The following FHIP2B variants were observed in gnomAD, a reference collection of about 807,000 sequenced individuals.
FHIP2B encodes the protein FHF complex subunit HOOK-interacting protein 2B.
A neutral mutation model predicts 84.0 loss-of-function variants in FHIP2B; 72 were observed. That is an observed-to-expected ratio of 0.86 (90% CI 0.71 to 1.04). The LOEUF (loss-of-function observed/expected upper bound fraction) is 1.04. Among genes scored for constraint, FHIP2B ranks in the 50% least tolerant of loss-of-function variants. FHIP2B has a pLI of 0.00. For synonymous variants in FHIP2B, 497 were observed against 418.7 expected (o/e 1.19, Z -2.28); for missense variants, 972 against 968.9 (o/e 1.00, Z -0.04).
In FHIP2B at chr8:22,102,169, C is replaced by T. The variant is rs375047009; in HGVS notation, c.1852-6C>T. The T allele has an allele frequency of 2.5e-5, 40 of 1,613,324 alleles. No individual in the cohort carries two copies. The highest frequency in any genetic ancestry group is 3.2e-5 in the Non-Finnish European group (38 of 1,179,870). ...GCCCTCGGCTCTGTCCACCATGTTC[C>T]TACAGCCATACAGCCTGAACCTGCA... is the stretch of plus-strand genomic sequence containing the variant. On this transcript the variant is annotated splice_polypyrimidine_tract_variant and splice_region_variant and intron_variant, in intron 14 of 16. Coordinates refer to ENST00000289921, the MANE Select transcript of FHIP2B (RefSeq NM_022749.7).
rs1418297499 is a variant in FHIP2B, at chr8:22,103,996, G to C, written c.*1065G>C. On this transcript the variant is annotated 3_prime_UTR_variant, in exon 17 of 17. Coordinates refer to ENST00000289921, the MANE Select transcript of FHIP2B (RefSeq NM_022749.7). ...CTCACAGCGGGACTACACAGTTGCT[G>C]GCTTTGCTCCTGGGCAAGGAGGAGC... is the stretch of plus-strand genomic sequence containing the variant. 6.6e-6 allele frequency: 1 copy of C among 152,636 alleles called. No individual in the cohort carries two copies. The highest frequency in any genetic ancestry group is 1.5e-5 in the Non-Finnish European group (1 of 68,054). 9.5% of individuals were successfully genotyped at this position (152,636 alleles called of 1,614,324 possible). A position where few individuals can be genotyped will look rare whatever the true frequency, so the allele number is the denominator to read the frequency against.
At chr8:22,096,608 A>C in intron 3 of FHIP2B, 99 bp downstream of exon 3, 3 of 1,394,288 alleles carry the variant, frequency 2.2e-6, no homozygotes, top group Non-Finnish European at 2.8e-6. Context: ...GGCCAGGCCG[A>C]GGTGGGAGAC....
chr8:22,096,613 G>C, intron 3 of FHIP2B, 104 bp downstream of exon 3: 1 of 1,393,716 alleles, frequency 7.2e-7, no homozygotes, highest in Non-Finnish European at 9.3e-7. Context: ...GGCCGAGGTG[G>C]GAGACCCTCT....
chr8:22,101,560 TC>T (rs1436650784), intron 13 of FHIP2B, 30 bp downstream of exon 13: 2 of 1,598,902 alleles, frequency 1.3e-6, no homozygotes, highest in Admixed American at 1.7e-5. Flanking sequence ...AGCTCCCACT[TC>T]CTGTCCTTCA....
Position 22,097,829 on chromosome 8 carries a change from A to G in FHIP2B, c.515A>G (p.Tyr172Cys), listed in dbSNP as rs755545199. Residue 172 changes from tyrosine (Y) to cysteine (C), a missense_variant, in exon 5 of 17, where the codon TAC becomes TGC. Physicochemically the swap from Tyr to Cys is radical, Grantham distance 194. Transcript: ENST00000289921. ...CAGCAGGACCCAGAGCTGCTCGCCT[A>G]CATCCTGGAAGTGAGCACTCTGATC... is the stretch of plus-strand genomic sequence containing the variant. ...KIQQDPELLA[Y>C]ILEGKKIVGR... 5.0e-6 allele frequency: 8 copies of G among 1,613,122 alleles called. No individual in the cohort carries two copies. In the East Asian group the frequency reaches 1.1e-4, roughly 22 times the overall value.
At chr8:22,095,918 G>A (rs1825742620) in intron 2 of FHIP2B, 1 of 155,740 alleles carries the variant, frequency 6.4e-6, no homozygotes, top group South Asian at 2.0e-4. Flanking sequence ...GGCCCCAGGA[G>A]GTTCTCTCTC....
In FHIP2B at chr8:22,089,684, C is replaced by T. The variant is rs570503303; in HGVS notation, c.45+386C>T. ...CCCCCCAGTCCCGGTGGGCCTGCCT[C>T]CTTCCTCCGCTCCACCCCACCGCCT... On this transcript the variant is annotated intron_variant, in intron 1 of 16. Coordinates refer to ENST00000289921, the MANE Select transcript of FHIP2B (RefSeq NM_022749.7). The T allele has an allele frequency of 6.8e-6, 7 of 1,034,508 alleles. No individual in the cohort carries two copies. The African/African-American group carries it at 8.2e-5, about 12-fold the overall frequency. 64.1% of individuals were successfully genotyped at this position (1,034,508 alleles called of 1,614,324 possible).
At chr8:22,089,892 G>C in intron 1 of FHIP2B, 1 of 1,232,304 alleles carries the variant, frequency 8.1e-7, no homozygotes, top group Non-Finnish European at 1.1e-6. Flanking sequence ...CCCCAGCCGG[G>C]GAAATCGCCT....
intron 2 of FHIP2B, chr8:22,096,027 C>CT (rs1825747510): frequency 4.3e-6 from 1 of 230,918 alleles, no homozygotes; most frequent in Non-Finnish European, 8.4e-6. Context: ...TTCTGTGGGC[C>CT]CAGGACCATG....
chr8:22,102,368 A>T, intron 15 of FHIP2B, 53 bp downstream of exon 15: 5 of 1,426,610 alleles, frequency 3.5e-6, no homozygotes, highest in Non-Finnish European at 3.8e-6. Context: ...AGGGGACATC[A>T]GGGAAAGGGA....
At chr8:22,089,460 C>A (rs1825346877) in intron 1 of FHIP2B, among the ~76,000 whole-genome samples, 162 bp downstream of exon 1, 1 of 150,946 alleles carries the variant, frequency 6.6e-6, no homozygotes. Context: ...TCCCCGGCCG[C>A]GCCCCGCTTC....
chr8:22,103,556 G>C lies in FHIP2B; in HGVS notation c.*625G>C, dbSNP rs544587041. 2 of 152,444 alleles carry C rather than the reference G, an allele frequency of 1.3e-5. No individual in the cohort carries two copies. The highest frequency in any genetic ancestry group is 2.4e-5 in the African/African-American group (1 of 41,470). The allele number at this position is 152,444 out of a possible 1,614,324, so 9.4% of individuals were successfully genotyped here. On this transcript the variant is annotated 3_prime_UTR_variant, in exon 17 of 17. Transcript: ENST00000289921. ...CCCAAAGCATGTTCCGCACCCAGGCGGGGGCCCCTGCTAATGAGAACCTTG... is the reference window on the plus strand; with the variant it reads ...CCCAAAGCATGTTCCGCACCCAGGCCGGGGCCCCTGCTAATGAGAACCTTG...
chr8:22,101,080 A>G lies in FHIP2B; in HGVS notation c.1616+108A>G, dbSNP rs1315379530. On this transcript the variant is annotated intron_variant, in intron 12 of 16. Coordinates refer to ENST00000289921, the MANE Select transcript of FHIP2B (RefSeq NM_022749.7). Reference sequence around the variant, plus strand: ...ACCCAGGATGGAGTGCAGTGGTACAATCTCGGCTCACTGCAACCTCCACCT... The same window carrying G: ...ACCCAGGATGGAGTGCAGTGGTACAGTCTCGGCTCACTGCAACCTCCACCT... The G allele has an allele frequency of 5.7e-6, 8 of 1,403,706 alleles. No individual in the cohort carries two copies. In the East Asian group the frequency reaches 1.0e-4, roughly 18 times the overall value. The allele number at this position is 1,403,706 out of a possible 1,614,324, so 87.0% of individuals were successfully genotyped here. A position where few individuals can be genotyped will look rare whatever the true frequency, so the allele number is the denominator to read the frequency against.
chr8:22,102,284 G>C lies in FHIP2B; in HGVS notation c.1961G>C (p.Gly654Ala). Residue 654 changes from glycine (G) to alanine (A), a missense_variant, in exon 15 of 17, where the codon GGC (glycine) becomes GCC (alanine). Coordinates refer to ENST00000289921, the MANE Select transcript of FHIP2B (RefSeq NM_022749.7). The stretch of plus-strand genomic sequence containing the variant: ...GATCCGTACATCAGCCTGGCCCCCG[G>C]CTGCAGGAGCCTATTCTCCGTGTTG... ...LLDPYISLAPGCRSLFSVLVR... is the reference protein window; with the variant it reads ...LLDPYISLAPACRSLFSVLVR... 1 of 1,612,942 alleles carries C rather than the reference G, an allele frequency of 6.2e-7. No individual in the cohort carries two copies.
chr8:22,089,949 C>T (rs1370785577), intron 1 of FHIP2B: 2 of 838,618 alleles, frequency 2.4e-6, no homozygotes, highest in East Asian at 1.4e-4. Flanking sequence ...CCCTCACAAG[C>T]CAAATTGAGT....
At chr8:22,093,493 G>A (rs185564923) in intron 1 of FHIP2B, among the ~76,000 whole-genome samples, 55 of 152,264 alleles carry the variant, frequency 3.6e-4, no homozygotes, top group Admixed American at 3.6e-3. Context: ...AGAAGGAGCC[G>A]GTAGAGGAGG....
At chr8:22,100,037 C>A in intron 10 of FHIP2B, 144 bp downstream of exon 10, 5 of 769,964 alleles carry the variant, frequency 6.5e-6, no homozygotes, top group Non-Finnish European at 9.7e-6. Context: ...CCACTTTTAT[C>A]ACACACTAAT....
intron 4 of FHIP2B, 35 bp from the exon 5 acceptor site, chr8:22,097,682 C>A: frequency 6.2e-7 from 1 of 1,609,982 alleles, no homozygotes; most frequent in South Asian, 1.1e-5. Context: ...CCTGCCACCC[C>A]TCTCCCCTCT....
rs372707642 is a variant in FHIP2B at position 22,102,164 on chromosome 8, T to C, written c.1852-11T>C. On this transcript the variant is annotated splice_polypyrimidine_tract_variant and intron_variant, in intron 14 of 16. Coordinates refer to ENST00000289921, the MANE Select transcript of FHIP2B (RefSeq NM_022749.7). ...TGCCAGCCCTCGGCTCTGTCCACCATGTTCCTACAGCCATACAGCCTGAAC... is the reference window on the plus strand; with the variant it reads ...TGCCAGCCCTCGGCTCTGTCCACCACGTTCCTACAGCCATACAGCCTGAAC... 2.5e-5 allele frequency: 41 copies of C among 1,613,236 alleles called. No individual in the cohort carries two copies. In the African/African-American group the frequency reaches 4.1e-4, roughly 16 times the overall value.
Sources: allele counts gnomAD v4.1 joint callset (sites outside exome capture counted in the v4.1 genomes callset), GRCh38; gene constraint gnomAD v4.1.1; transcripts MANE v1.5; gene names NCBI Gene and HGNC (gene_info 2026-07-23, HGNC 2026-07-21).